ABCC9: variants seen among roughly 807,000 people sequenced by gnomAD.
The protein encoded by ABCC9 is ATP binding cassette subfamily C member 9, also known as ATP-binding cassette sub-family C member 9.
ABCC9 carries 95 observed loss-of-function variants against 188.3 expected under a neutral mutation model. The observed-to-expected ratio is 0.50, with a 90% confidence interval of 0.43 to 0.60. The LOEUF is 0.60. Ranked by LOEUF, ABCC9 falls within the 20% of genes least tolerant of loss-of-function variation. ABCC9 has a pLI of 0.00. For missense variants in ABCC9, 1,102 were observed against 1,876.3 expected (o/e 0.59, Z 7.62); for synonymous variants, 659 against 652.7 (o/e 1.01, Z -0.15).
intron 30 of ABCC9, among the ~76,000 whole-genome samples, chr12:21,837,032 C>T (rs1028365317): frequency 5.9e-5 from 9 of 151,890 alleles, no homozygotes; most frequent in Admixed American, 3.9e-4. Context: ...GGCATATGTT[C>T]GGTACTCAAA....
At chr12:21,806,583 G>C (rs1028425800) in intron 38 of ABCC9, among the ~76,000 whole-genome samples, 1 of 152,176 alleles carries the variant, frequency 6.6e-6, no homozygotes, top group Non-Finnish European at 1.5e-5. Context: ...AGGAAATCTT[G>C]GTTCAATTTT....
intron 24 of ABCC9, among the ~76,000 whole-genome samples, chr12:21,851,500 T>C (rs1413017985): frequency 6.6e-6 from 1 of 152,198 alleles, no homozygotes; most frequent in African/African-American, 2.4e-5. Context: ...TTTGCTTATT[T>C]GTCAGGAGTT....
intron 22 of ABCC9, among the ~76,000 whole-genome samples, chr12:21,854,722 AT>A (rs1313969120): frequency 5.3e-5 from 8 of 152,194 alleles, no homozygotes; most frequent in African/African-American, 1.4e-4. Context: ...CAAGAAAAAA[AT>A]ATTCTTACTT....
chr12:21,822,804 A>AC (rs1301313932), intron 31 of ABCC9, among the ~76,000 whole-genome samples: 2 of 152,042 alleles, frequency 1.3e-5, no homozygotes, highest in East Asian at 3.9e-4. Flanking sequence ...AAAAAAAAAA[A>AC]AAAAAGCTTT....
At chr12:21,865,615 T>C (rs1945737494) in intron 18 of ABCC9, among the ~76,000 whole-genome samples, 1 of 152,174 alleles carries the variant, frequency 6.6e-6, no homozygotes, top group Non-Finnish European at 1.5e-5. Flanking sequence ...CAGAAATGAA[T>C]GTGTTAATTT....
chr12:21,903,556 T>G (rs1387769453), intron 12 of ABCC9, among the ~76,000 whole-genome samples: 2 of 152,204 alleles, frequency 1.3e-5, no homozygotes, highest in African/African-American at 4.8e-5. Context: ...CAAATCTCCT[T>G]CAGCTGATAA....
chr12:21,820,985 A>C lies in ABCC9; in HGVS notation c.3670-2734T>G, dbSNP rs548842998. 3.9e-5 allele frequency among the ~76,000 whole-genome samples: 6 copies of C among 152,316 alleles called. No individual in the cohort carries two copies. The East Asian group carries it at 1.2e-3, about 29-fold the overall frequency. Reference sequence around the variant, plus strand: ...TTGAATTTTTACCATTATTATCTCCAGCAATAGGAATAATGCTAAATACAT... The same window carrying C: ...TTGAATTTTTACCATTATTATCTCCCGCAATAGGAATAATGCTAAATACAT... On this transcript the variant is annotated intron_variant, in intron 31 of 39. Coordinates refer to ENST00000261200, the MANE Select transcript of ABCC9 (RefSeq NM_020297.4).
chr12:21,938,734 C>A (rs187206718), intron 2 of ABCC9, among the ~76,000 whole-genome samples: 1 of 152,226 alleles, frequency 6.6e-6, no homozygotes, highest in East Asian at 1.9e-4. Flanking sequence ...TAAAATATAA[C>A]CTGCTGCTTT....
At chr12:21,817,409 A>T in intron 32 of ABCC9, 102 bp from the exon 33 acceptor site, 1 of 1,095,056 alleles carries the variant, frequency 9.1e-7, no homozygotes. Flanking sequence ...CCATTAGTGT[A>T]CATGTGTGAT....
At chr12:21,907,567 G>A (rs1179392045) in intron 11 of ABCC9, among the ~76,000 whole-genome samples, 3 of 151,906 alleles carry the variant, frequency 2.0e-5, no homozygotes, top group African/African-American at 7.3e-5. Context: ...TCAATAATTG[G>A]GCTTTTTCTT....
chr12:21,823,855 G>A (rs1012802501), intron 31 of ABCC9, among the ~76,000 whole-genome samples: 2 of 152,222 alleles, frequency 1.3e-5, no homozygotes, highest in East Asian at 3.8e-4. Context: ...AAAACAGTCC[G>A]CTCTGCTGCC....
At chr12:21,899,250 G>A (rs562309952) in intron 12 of ABCC9, among the ~76,000 whole-genome samples, 46 of 152,260 alleles carry the variant, frequency 3.0e-4, no homozygotes, top group African/African-American at 9.9e-4. Flanking sequence ...GGAAAAAACC[G>A]AATTCATCAA....
At chr12:21,915,512 A>ATTTTTT (rs1254915972) in intron 7 of ABCC9, among the ~76,000 whole-genome samples, 156 bp downstream of exon 7, 9 of 380 alleles carry the variant, frequency 0.024, 2 homozygotes, top group Admixed American at 0.1. Context: ...ATATATATAT[A>ATTTTTT]TATTTTTTTT....
intron 8 of ABCC9, among the ~76,000 whole-genome samples, 175 bp from the exon 9 acceptor site, chr12:21,911,153 A>G (rs1948306072): frequency 6.6e-6 from 1 of 151,966 alleles, no homozygotes; most frequent in Non-Finnish European, 1.5e-5. Flanking sequence ...CTAATTGATT[A>G]ATGAGTGATG....
chr12:21,903,661 G>A (rs1329130828), intron 12 of ABCC9, among the ~76,000 whole-genome samples: 1 of 152,134 alleles, frequency 6.6e-6, no homozygotes, highest in Admixed American at 6.5e-5. Context: ...GCCAAATCAT[G>A]AGTGAACTCC....
intron 5 of ABCC9, chr12:21,924,641 C>A (rs768649279): frequency 6.6e-6 from 1 of 152,046 alleles, no homozygotes. Context: ...TCCATCAAAA[C>A]ATTATTAATA....
At position 21,814,583 on chromosome 12, in the gene ABCC9, T is replaced by A. The variant is rs933674604; in HGVS notation, c.4102+61A>T. ...TTTGATTTCTGCAGGATTAGGTAAA[T>A]TGATGTTTTTTTAAAGGAAAGCACC... is the stretch of plus-strand genomic sequence containing the variant. On this transcript the variant is annotated intron_variant, in intron 35 of 39. Coordinates refer to ENST00000261200, the MANE Select transcript of ABCC9 (RefSeq NM_020297.4). The A allele has an allele frequency of 6.6e-6, 9 of 1,359,838 alleles. No individual in the cohort carries two copies. In the African/African-American group the frequency reaches 1.3e-4, roughly 20 times the overall value. 84.2% of individuals were successfully genotyped at this position (1,359,838 alleles called of 1,614,324 possible).
intron 5 of ABCC9, among the ~76,000 whole-genome samples, chr12:21,922,667 A>G (rs1172989468): frequency 6.6e-6 from 1 of 151,530 alleles, no homozygotes. Flanking sequence ...GAAACCCAAT[A>G]GTGTGAAGAT....
chr12:21,927,279 T>C (rs1444846559), intron 4 of ABCC9, among the ~76,000 whole-genome samples: 1 of 152,174 alleles, frequency 6.6e-6, no homozygotes, highest in Non-Finnish European at 1.5e-5. Flanking sequence ...AACACTTGAA[T>C]AGGTAAGCGG....
Sources: gnomAD v4.1 joint callset for allele counts (sites outside exome capture counted in the v4.1 genomes callset) on GRCh38, gnomAD v4.1.1 for gene constraint, MANE v1.5 for transcripts, NCBI Gene and HGNC (gene_info 2026-07-23, HGNC 2026-07-21) for gene names.